Variants in SPTBN1 observed in about 807,000 individuals in gnomAD.
The protein encoded by SPTBN1 is spectrin beta, non-erythrocytic 1, also known as spectrin beta chain, non-erythrocytic 1.
In SPTBN1, 32 loss-of-function variants were observed where a neutral mutation model predicts 266.4. That is an observed-to-expected ratio of 0.12 (90% CI 0.09 to 0.16). SPTBN1 has a LOEUF of 0.16. SPTBN1 is among the 10% of genes least tolerant of loss of function. The pLI is 1.00. For synonymous variants in SPTBN1, 1,336 were observed against 1,162.2 expected (o/e 1.15, Z -3.04); for missense variants, 2,296 against 3,067.1 (o/e 0.75, Z 5.94).
chr2:54,492,353 T>TTG (rs1558775211), intron 1 of SPTBN1, among the ~76,000 whole-genome samples: 14 of 150,850 alleles, frequency 9.3e-5, no homozygotes, highest in Non-Finnish European at 1.2e-4. Flanking sequence ...TTTTTTGTTT[T>TTG]TTTTTTTTTT....
intron 27 of SPTBN1, among the ~76,000 whole-genome samples, chr2:54,654,143 G>A (rs1387555202): frequency 6.6e-6 from 1 of 152,180 alleles, no homozygotes; most frequent in Non-Finnish European, 1.5e-5. Flanking sequence ...CCACATATGT[G>A]CTTGAAGTAG....
chr2:54,618,700 G>T (rs915150243), intron 7 of SPTBN1, among the ~76,000 whole-genome samples: 2 of 152,190 alleles, frequency 1.3e-5, no homozygotes, highest in Non-Finnish European at 2.9e-5. Context: ...GATGGGGATG[G>T]GTGGAGATTG....
intron 1 of SPTBN1, among the ~76,000 whole-genome samples, chr2:54,472,479 ACTT>A (rs1693979474): frequency 6.6e-6 from 1 of 152,120 alleles, no homozygotes; most frequent in African/African-American, 2.4e-5. Context: ...TCACTTTTAG[ACTT>A]CTTAGTAAGC....
At chr2:54,612,501 G>C (rs528986643) in intron 4 of SPTBN1, among the ~76,000 whole-genome samples, 167 bp downstream of exon 4, 3 of 152,166 alleles carry the variant, frequency 2.0e-5, no homozygotes, top group Admixed American at 6.5e-5. Context: ...ATGCTGCCTC[G>C]TAGGCACGTG....
intron 10 of SPTBN1, among the ~76,000 whole-genome samples, chr2:54,624,356 G>C (rs1474431691): frequency 2.0e-5 from 3 of 152,100 alleles, no homozygotes; most frequent in Non-Finnish European, 4.4e-5. Context: ...ATTTAATATG[G>C]ACAGTAGGTC....
intron 2 of SPTBN1, among the ~76,000 whole-genome samples, chr2:54,553,581 G>T (rs1672699361): frequency 6.6e-6 from 1 of 152,256 alleles, no homozygotes; most frequent in Non-Finnish European, 1.5e-5. Flanking sequence ...GATGAAGAAT[G>T]AAAGACAGAT....
intron 1 of SPTBN1, among the ~76,000 whole-genome samples, chr2:54,495,359 C>G (rs1344841803): frequency 2.0e-5 from 3 of 152,090 alleles, no homozygotes; most frequent in African/African-American, 4.8e-5. Context: ...TTATGTGATG[C>G]CACCCCCTCA....
At chr2:54,560,455 C>G (rs75475627) in intron 2 of SPTBN1, among the ~76,000 whole-genome samples, 11,736 of 152,130 alleles carry the variant, frequency 0.077, 833 homozygotes, top group East Asian at 0.4. Context: ...GGCTGTTATT[C>G]CGAAAGGGCT....
rs1679909166 is a variant in SPTBN1, at chr2:54,646,095, T to C, written c.4584+78T>C. ...ATGAGACTGGGAATGGCAGAGAGCTTTGAAGCCTTGCTATTTCTTTCTGGC... is the reference window on the plus strand; with the variant it reads ...ATGAGACTGGGAATGGCAGAGAGCTCTGAAGCCTTGCTATTTCTTTCTGGC... On this transcript the variant is annotated intron_variant, in intron 22 of 35. Transcript: ENST00000356805. The surrounding 1 kb of genome is among the most constrained non-coding windows in gnomAD (Gnocchi z 4.4). The C allele has an allele frequency of 1.9e-6, 3 of 1,606,850 alleles. No homozygotes were observed. The highest frequency in any genetic ancestry group is 1.3e-5 in the African/African-American group (1 of 74,542).
rs747729165 is a variant in SPTBN1 at position 54,649,131 on chromosome 2, G to A, written c.5143G>A (p.Ala1715Thr). The change falls in exon 25 of 36, where the codon GCT (alanine) becomes ACT (threonine). Residue 1715 changes from alanine (A) to threonine (T), a missense_variant. Coordinates refer to ENST00000356805, the MANE Select transcript of SPTBN1 (RefSeq NM_003128.3). The surrounding 1 kb of genome is among the most constrained non-coding windows in gnomAD (Gnocchi z 6.7). ...REVDDLEQWI[A>T]EREVVAGSHE... Reference sequence around the variant, plus strand: ...GGTGGACGACCTGGAGCAGTGGATCGCTGAGAGGGAGGTGGTCGCAGGGTC... The same window carrying A: ...GGTGGACGACCTGGAGCAGTGGATCACTGAGAGGGAGGTGGTCGCAGGGTC... 5.1e-5 allele frequency: 82 copies of A among 1,613,008 alleles called. No individual in the cohort carries two copies. The highest frequency in any genetic ancestry group is 6.7e-5 in the Non-Finnish European group (79 of 1,179,304).
At position 54,566,985 on chromosome 2, in the gene SPTBN1, C is replaced by T. The variant is rs1246324595; in HGVS notation, c.149-32107C>T. Among the ~76,000 whole-genome samples, 14 of 152,264 alleles carry T rather than the reference C, an allele frequency of 9.2e-5. No homozygotes were observed. In the South Asian group the frequency reaches 2.3e-3, roughly 25 times the overall value. On this transcript the variant is annotated intron_variant, in intron 2 of 35. Transcript: ENST00000356805. ...AAATAAAACTTTAAAAAATACAGGG[C>T]TTGCTCTTTTGGTATTCTACTTACT...
At chr2:54,511,566 A>G (rs1669859943) in intron 1 of SPTBN1, among the ~76,000 whole-genome samples, 1 of 152,160 alleles carries the variant, frequency 6.6e-6, no homozygotes. Flanking sequence ...ATTGTAATAT[A>G]TAATGAAATA....
intron 1 of SPTBN1, among the ~76,000 whole-genome samples, chr2:54,462,441 A>G (rs1289356660): frequency 6.6e-6 from 1 of 152,246 alleles, no homozygotes; most frequent in Admixed American, 6.5e-5. Context: ...AAAGTAATGT[A>G]ATTACATTTA....
At chr2:54,574,402 T>C (rs2104537636) in intron 2 of SPTBN1, among the ~76,000 whole-genome samples, 1 of 152,288 alleles carries the variant, frequency 6.6e-6, no homozygotes, top group African/African-American at 2.4e-5. Context: ...TGTGGCAGGA[T>C]CTGGAGGGAG....
intron 2 of SPTBN1, among the ~76,000 whole-genome samples, chr2:54,596,226 A>G (rs77454808): frequency 5.3e-5 from 8 of 152,148 alleles, no homozygotes; most frequent in African/African-American, 1.9e-4. Context: ...CATATCCCCA[A>G]GCCTTGCTGG....
chr2:54,662,965 C>G (rs1390995766), intron 32 of SPTBN1: 4 of 152,118 alleles, frequency 2.6e-5, no homozygotes, highest in Non-Finnish European at 5.9e-5. Flanking sequence ...CAATCAAAAC[C>G]ACCATTAAAC....
At position 54,640,545 on chromosome 2, in the gene SPTBN1, G is replaced by GGTTTT. The variant is rs560757566; in HGVS notation, c.3859-2418_3859-2414dup. On this transcript the variant is annotated intron_variant, in intron 18 of 35. Transcript: ENST00000356805. Reference sequence around the variant, plus strand: ...TAGAGACCATCATCATCTTTGTAGTGGTTTTGTTTTGTTTTGTTTTGTTTG... The same window carrying GGTTTT: ...TAGAGACCATCATCATCTTTGTAGTGGTTTTGTTTTGTTTTGTTTTGTTTTGTTTG... 6.0e-4 allele frequency among the ~76,000 whole-genome samples: 92 copies of GGTTTT among 152,202 alleles called. 1 individual carries two copies. Among genetic ancestry groups the GGTTTT allele is most frequent in the East Asian group, 1.2e-3 (6 of 5,172 alleles).
chr2:54,560,205 A>G, intron 2 of SPTBN1, among the ~76,000 whole-genome samples: 1 of 149,628 alleles, frequency 6.7e-6, no homozygotes, highest in Non-Finnish European at 1.5e-5. Context: ...GGCGTTCATT[A>G]TCTAGGTTTG....
rs761233283 is a variant in SPTBN1, at chr2:54,599,250, G to A, written c.300+7G>A. 3 of 1,613,734 alleles carry A rather than the reference G, an allele frequency of 1.9e-6. No individual in the cohort carries two copies. The highest frequency in any genetic ancestry group is 1.7e-6 in the Non-Finnish European group (2 of 1,179,890). ...CCTCTCTGGAGAGAGGCTGGTGAGT[G>A]GAGACCTTAGGAAGTGCCGTGTGTT... On this transcript the variant is annotated splice_region_variant and intron_variant, in intron 3 of 35. Coordinates refer to ENST00000356805, the MANE Select transcript of SPTBN1 (RefSeq NM_003128.3).
Sources: allele counts gnomAD v4.1 joint callset (sites outside exome capture counted in the v4.1 genomes callset), GRCh38; gene constraint gnomAD v4.1.1; non-coding constraint Gnocchi (gnomAD v3.1); transcripts MANE v1.5; gene names NCBI Gene and HGNC (gene_info 2026-07-23, HGNC 2026-07-21).